Variants in SLC41A3 observed in about 807,000 individuals in gnomAD.
The protein encoded by SLC41A3 is SLC41A1-like 2.
SLC41A3 carries 44 observed loss-of-function variants against 45.4 expected under a neutral mutation model. The observed-to-expected ratio is 0.97, with a 90% CI of 0.76 to 1.25. The LOEUF (loss-of-function observed/expected upper bound fraction) is 1.25. Ranked by LOEUF, SLC41A3 falls within the 50% of genes most tolerant of loss-of-function variation. The probability of loss-of-function intolerance (pLI) is 0.00; values close to 1 mark genes in which losing one functional copy is unlikely to be tolerated. For synonymous variants in SLC41A3, 256 were observed against 252.4 expected (o/e 1.01, Z -0.13); for missense variants, 550 against 600.6 (o/e 0.92, Z 0.88).
intron 2 of SLC41A3, chr3:126,056,953 G>A: frequency 5.7e-6 from 6 of 1,061,450 alleles, no homozygotes; most frequent in Non-Finnish European, 6.9e-6. Flanking sequence ...ACTGGCTTGG[G>A]CTGGACAGAG....
intron 3 of SLC41A3, among the ~76,000 whole-genome samples, chr3:126,048,092 A>G (rs1943082715): frequency 6.6e-6 from 1 of 152,196 alleles, no homozygotes; most frequent in Admixed American, 6.5e-5. Flanking sequence ...TTTTCCAAAG[A>G]AGACATACAA....
chr3:126,018,866 C>T (rs1479200584), intron 6 of SLC41A3, among the ~76,000 whole-genome samples: 4 of 152,360 alleles, frequency 2.6e-5, no homozygotes, highest in Middle Eastern at 3.4e-3. Context: ...GAGCTTGAGG[C>T]ACTTTCCTGA....
chr3:126,065,964 C>A (rs1021283706), intron 2 of SLC41A3, among the ~76,000 whole-genome samples: 2 of 152,190 alleles, frequency 1.3e-5, no homozygotes, highest in Non-Finnish European at 2.9e-5. Flanking sequence ...ATGACCACAG[C>A]AGGCAGCAGC....
intron 3 of SLC41A3, among the ~76,000 whole-genome samples, chr3:126,038,187 C>T (rs775032194): frequency 7.2e-5 from 11 of 152,226 alleles, no homozygotes; most frequent in Non-Finnish European, 1.3e-4. Flanking sequence ...AGAGCCCCCA[C>T]GGAGAAACCC....
chr3:126,053,102 T>C (rs911684498), intron 2 of SLC41A3, among the ~76,000 whole-genome samples: 1 of 152,238 alleles, frequency 6.6e-6, no homozygotes, highest in South Asian at 2.1e-4. Flanking sequence ...CTATGGACAC[T>C]GGCTGAACTG....
At chr3:126,010,249 A>C (rs576439388) in intron 9 of SLC41A3, among the ~76,000 whole-genome samples, 1 of 152,222 alleles carries the variant, frequency 6.6e-6, no homozygotes, top group Non-Finnish European at 1.5e-5. Flanking sequence ...CAAGGCAGGC[A>C]ATCAGTTGAG....
At chr3:126,059,548 T>C (rs1457083481) in intron 2 of SLC41A3, among the ~76,000 whole-genome samples, 1 of 152,134 alleles carries the variant, frequency 6.6e-6, no homozygotes, top group Admixed American at 6.5e-5. Flanking sequence ...ACAGGAACTA[T>C]AGCATTCTGT....
chr3:126,075,529 A>G (rs1944841577), intron 1 of SLC41A3, among the ~76,000 whole-genome samples: 1 of 152,102 alleles, frequency 6.6e-6, no homozygotes, highest in Non-Finnish European at 1.5e-5. Context: ...GCAAATGGAA[A>G]TGCAAGGGAA....
intron 2 of SLC41A3, chr3:126,057,176 C>CA (rs1258875893): frequency 9.1e-6 from 9 of 985,392 alleles, no homozygotes; most frequent in Non-Finnish European, 1.1e-5. Context: ...AGCAGGAAGC[C>CA]ACGCCCTGGG....
rs1052473669 is a variant in SLC41A3, at chr3:126,026,017, C to T, written c.598+318G>A. On this transcript the variant is annotated intron_variant, in intron 5 of 10. Coordinates refer to ENST00000360370, the MANE Select transcript of SLC41A3 (RefSeq NM_017836.4). The surrounding 1 kb of genome is among the most constrained non-coding windows in gnomAD (Gnocchi z 4.2). Reference sequence around the variant, plus strand: ...GACTGCACAGATGAACAAGCCTGCTCTGTGCAGGTGTCAGGCCTCAGCACG... The same window carrying T: ...GACTGCACAGATGAACAAGCCTGCTTTGTGCAGGTGTCAGGCCTCAGCACG... Among the ~76,000 whole-genome samples, 1 of 152,222 alleles carries T rather than the reference C, an allele frequency of 6.6e-6. No homozygotes were observed. The highest frequency in any genetic ancestry group is 2.4e-5 in the African/African-American group (1 of 41,450).
intron 2 of SLC41A3, among the ~76,000 whole-genome samples, chr3:126,059,295 A>AGAAAG (rs1423816762): frequency 1.6e-5 from 2 of 127,528 alleles, no homozygotes; most frequent in African/African-American, 3.0e-5. Flanking sequence ...AGAAAGAAAG[A>AGAAAG]AAGAAAGAAA....
At chr3:126,013,713 C>T (rs1939963816) in intron 8 of SLC41A3, among the ~76,000 whole-genome samples, 1 of 152,168 alleles carries the variant, frequency 6.6e-6, no homozygotes, top group African/African-American at 2.4e-5. Context: ...TTGTCTGCTG[C>T]ATGATTTCAA....
intron 3 of SLC41A3, among the ~76,000 whole-genome samples, chr3:126,036,080 T>C (rs1942167114): frequency 6.6e-6 from 1 of 152,244 alleles, no homozygotes; most frequent in Non-Finnish European, 1.5e-5. Context: ...CATTGAATTT[T>C]TTAAAAAACT....
At chr3:126,047,726 A>G (rs7615215) in intron 3 of SLC41A3, among the ~76,000 whole-genome samples, 8,287 of 152,322 alleles carry the variant, frequency 0.054, 708 homozygotes, top group African/African-American at 0.18. Context: ...ATGTTACACC[A>G]TGTACAAAAA....
In SLC41A3 at chr3:126,012,771, GT is replaced by G. The variant is rs1291234196; in HGVS notation, c.971-23del. On this transcript the variant is annotated intron_variant, in intron 8 of 10. Coordinates refer to ENST00000360370, the MANE Select transcript of SLC41A3 (RefSeq NM_017836.4). Reference sequence around the variant, plus strand: ...ACACCTACGAGGAGAAAAGGAATCTGTTTTCCCTTTCTTTACGCCAGTCTCT... The same window carrying G: ...ACACCTACGAGGAGAAAAGGAATCTGTTTCCCTTTCTTTACGCCAGTCTCT... 4 of 1,613,486 alleles carry G rather than the reference GT, an allele frequency of 2.5e-6. No individual in the cohort carries two copies. In the African/African-American group the frequency reaches 4.0e-5, roughly 16 times the overall value.
chr3:126,031,744 T>C (rs1257681741), intron 4 of SLC41A3, among the ~76,000 whole-genome samples: 4 of 152,170 alleles, frequency 2.6e-5, no homozygotes, highest in Non-Finnish European at 5.9e-5. Flanking sequence ...TGCACATCCA[T>C]ATGGACAAAG....
chr3:126,018,938 A>C (rs973522104), intron 6 of SLC41A3, among the ~76,000 whole-genome samples: 5 of 152,256 alleles, frequency 3.3e-5, no homozygotes. Context: ...TTTTGACTGT[A>C]ATACAGCAGG....
intron 4 of SLC41A3, among the ~76,000 whole-genome samples, chr3:126,032,021 T>G (rs1246010015): frequency 1.3e-5 from 2 of 152,152 alleles, no homozygotes; most frequent in Non-Finnish European, 2.9e-5. Flanking sequence ...CACCTGGTGT[T>G]AGGTAGGAAC....
At chr3:126,015,384 C>G in intron 8 of SLC41A3, 110 bp downstream of exon 8, 1 of 1,076,926 alleles carries the variant, frequency 9.3e-7, no homozygotes, top group South Asian at 1.4e-5. Context: ...AGCTGCCCAA[C>G]TGCCTGTGCG....
Sources: gnomAD v4.1 joint callset for allele counts (sites outside exome capture counted in the v4.1 genomes callset) on GRCh38, gnomAD v4.1.1 for gene constraint, Gnocchi (gnomAD v3.1) non-coding constraint, MANE v1.5 for transcripts, NCBI Gene and HGNC (gene_info 2026-07-23, HGNC 2026-07-21) for gene names.